Variants in SMIM13 observed in about 807,000 individuals in gnomAD.
SMIM13 encodes the protein small integral membrane protein 13, also known as UPF0766 protein C6orf228.
A neutral mutation model predicts 5.9 loss-of-function variants in SMIM13; 3 were observed. The observed-to-expected ratio is 0.51, with a 90% CI of 0.23 to 1.31. The LOEUF is 1.31. Among genes scored for constraint, SMIM13 ranks in the 40% most tolerant of loss-of-function variants. SMIM13 has a pLI of 0.18. For synonymous variants in SMIM13, 55 were observed against 46.0 expected (o/e 1.19, Z -0.79); for missense variants, 85 against 109.9 (o/e 0.77, Z 1.01).
intron 1 of SMIM13, chr6:11,103,361 CCT>C (rs1758027074): frequency 3.9e-6 from 1 of 259,370 alleles, no homozygotes; most frequent in African/African-American, 2.2e-5. Context: ...TTAACAACTG[CCT>C]CACCATCACC....
chr6:11,128,172 G>C (rs1327617978), intron 1 of SMIM13, among the ~76,000 whole-genome samples: 1 of 152,174 alleles, frequency 6.6e-6, no homozygotes, highest in East Asian at 1.9e-4. Flanking sequence ...AAGGCCCTCA[G>C]TAAGTACTGT....
chr6:11,129,987 T>G (rs1758430512), intron 1 of SMIM13, among the ~76,000 whole-genome samples: 1 of 152,162 alleles, frequency 6.6e-6, no homozygotes, highest in Non-Finnish European at 1.5e-5. Context: ...CATCCTTTGT[T>G]CAGACTATGA....
rs1291785509 is a variant in SMIM13 at position 11,136,708 on chromosome 6, A to G, written c.*2106A>G. The G allele has an allele frequency of 1.3e-5, 2 of 152,052 alleles. No homozygotes were observed. The highest frequency in any genetic ancestry group is 1.5e-5 in the Non-Finnish European group (1 of 67,984). 9.4% of individuals were successfully genotyped at this position (152,052 alleles called of 1,614,324 possible). ...CAGTCTCTGTCTTCATTTCTTTATT[A>G]GATACAATTTTCTATTTTTATGTGA... On this transcript the variant is annotated 3_prime_UTR_variant, in exon 2 of 2. Coordinates refer to ENST00000416247, the MANE Select transcript of SMIM13 (RefSeq NM_001135575.2).
At chr6:11,116,008 CTTTTTTTTTTT>C (rs35527082) in intron 1 of SMIM13, among the ~76,000 whole-genome samples, 1,294 of 78,564 alleles carry the variant, frequency 0.016, 10 homozygotes, top group Non-Finnish European at 0.024. Context: ...CTTCCTTCCT[CTTTTTTTTTTT>C]TTTTTTTTTT....
chr6:11,122,643 C>T (rs2113662142), intron 1 of SMIM13, among the ~76,000 whole-genome samples: 1 of 152,268 alleles, frequency 6.6e-6, no homozygotes, highest in South Asian at 2.1e-4. Flanking sequence ...AGTAGTTCCT[C>T]TGCTCTAGAG....
At chr6:11,105,341 A>G (rs767094598) in intron 1 of SMIM13, 3 of 1,542,616 alleles carry the variant, frequency 1.9e-6, no homozygotes, top group Non-Finnish European at 2.7e-6. Context: ...TCACAAAACG[A>G]GCTGCCAATG....
intron 1 of SMIM13, among the ~76,000 whole-genome samples, chr6:11,133,860 T>C (rs1343446075): frequency 1.3e-5 from 2 of 152,144 alleles, no homozygotes; most frequent in African/African-American, 2.4e-5. Context: ...GCCGTGGCTT[T>C]AGTCTTTCAT....
At position 11,104,841 on chromosome 6, in the gene SMIM13, G is replaced by A. The variant is rs561422018; in HGVS notation, c.76+10452G>A. On this transcript the variant is annotated intron_variant, in intron 1 of 1. Coordinates refer to ENST00000416247, the MANE Select transcript of SMIM13 (RefSeq NM_001135575.2). ...TTGGTTGTGGGTGTATGTTTGGTAA[G>A]TCTGTTGGTTAGAATCTACAGTGAA... The A allele has an allele frequency of 4.3e-6, 7 of 1,614,250 alleles. No individual in the cohort carries two copies. In the African/African-American group the frequency reaches 5.3e-5, roughly 12 times the overall value.
In SMIM13 at chr6:11,135,995, GT is replaced by G. The variant is rs1402866474; in HGVS notation, c.*1394del. On this transcript the variant is annotated 3_prime_UTR_variant, in exon 2 of 2. Coordinates refer to ENST00000416247, the MANE Select transcript of SMIM13 (RefSeq NM_001135575.2). ...TTCTGACTCTTACAATGTTAAACTT[GT>G]AATCCTGTGTGAAACACATGTTTTT... 6.6e-6 allele frequency: 1 copy of G among 152,114 alleles called. No individual in the cohort carries two copies. The highest frequency in any genetic ancestry group is 2.4e-5 in the African/African-American group (1 of 41,418). The allele number at this position is 152,114 out of a possible 1,614,324, so 9.4% of individuals were successfully genotyped here.
At chr6:11,126,617 G>A (rs1449865861) in intron 1 of SMIM13, among the ~76,000 whole-genome samples, 3 of 152,102 alleles carry the variant, frequency 2.0e-5, no homozygotes, top group Admixed American at 2.0e-4. Flanking sequence ...CTCTGGGAGT[G>A]GTCTCTGATG....
At chr6:11,132,346 G>T (rs181188444) in intron 1 of SMIM13, among the ~76,000 whole-genome samples, 62 of 152,206 alleles carry the variant, frequency 4.1e-4, no homozygotes, top group African/African-American at 1.5e-3. Context: ...AAGCTGCTTT[G>T]CAGTTTCACA....
rs68092921 is a variant in SMIM13 at position 11,116,982 on chromosome 6, C to CTTTTTTTTTTTTT, written c.77-17406_77-17394dup. On this transcript the variant is annotated intron_variant, in intron 1 of 1. Transcript: ENST00000416247. ...AATAGACATTTAATGATAATTGTTT[C>CTTTTTTTTTTTTT]TTTTTTTTTTTTTTTTTTTTTTTTT... 1.5e-4 allele frequency among the ~76,000 whole-genome samples: 7 copies of CTTTTTTTTTTTTT among 46,446 alleles called. 2 individuals are homozygous for CTTTTTTTTTTTTT. The highest frequency in any genetic ancestry group is 6.8e-4 in the East Asian group (1 of 1,464). The allele number at this position is 46,446 out of a possible 152,430, so 30.5% of individuals were successfully genotyped here.
intron 1 of SMIM13, among the ~76,000 whole-genome samples, chr6:11,114,592 CTTTT>C (rs58585640): frequency 4.6e-5 from 1 of 21,840 alleles, no homozygotes; most frequent in Non-Finnish European, 7.4e-5. Flanking sequence ...CACTTTTTCT[CTTTT>C]TTTTTTTTTT....
intron 1 of SMIM13, among the ~76,000 whole-genome samples, chr6:11,116,271 A>G (rs1758239565): frequency 6.6e-6 from 1 of 151,634 alleles, no homozygotes; most frequent in Non-Finnish European, 1.5e-5. Flanking sequence ...CGCCCACCTC[A>G]GCTTCCCAAA....
intron 1 of SMIM13, chr6:11,104,338 C>T (rs1322408699): frequency 1.9e-6 from 3 of 1,551,688 alleles, no homozygotes; most frequent in Non-Finnish European, 2.6e-6. Flanking sequence ...ATGAAGATGT[C>T]TGGGGTTACA....
chr6:11,137,470 A>T lies in SMIM13; in HGVS notation c.*2868A>T, dbSNP rs1758530066. 2 of 152,246 alleles carry T rather than the reference A, an allele frequency of 1.3e-5. No homozygotes were observed. The highest frequency in any genetic ancestry group is 4.1e-4 in the South Asian group (2 of 4,828). The allele number at this position is 152,246 out of a possible 1,614,324, so 9.4% of individuals were successfully genotyped here. A position where few individuals can be genotyped will look rare whatever the true frequency, so the allele number is the denominator to read the frequency against. On this transcript the variant is annotated 3_prime_UTR_variant, in exon 2 of 2. Transcript: ENST00000416247. Reference sequence around the variant, plus strand: ...CAACTACATTTGCAGTCTCAGTGGGAGGTGGACTAGCCTGTGGTTAATTTT... The same window carrying T: ...CAACTACATTTGCAGTCTCAGTGGGTGGTGGACTAGCCTGTGGTTAATTTT...
intron 1 of SMIM13, among the ~76,000 whole-genome samples, chr6:11,114,278 C>A (rs543950302): frequency 6.6e-6 from 1 of 152,244 alleles, no homozygotes; most frequent in South Asian, 2.1e-4. Flanking sequence ...GTAGTTTTAC[C>A]TTTTCTTCCC....
rs189602543 is a variant in SMIM13, at chr6:11,119,436, C to T, written c.77-14967C>T. ...TTGGGAAGCCGAGACAGGCGAATCA[C>T]GAGGTCAGGAGATCGAGACCATCCT... On this transcript the variant is annotated intron_variant, in intron 1 of 1. Transcript: ENST00000416247. Among the ~76,000 whole-genome samples the T allele has an allele frequency of 4.0e-4, 61 of 152,216 alleles. 1 individual carries two copies. The highest frequency in any genetic ancestry group is 3.7e-3 in the East Asian group (19 of 5,168).
chr6:11,111,914 T>C (rs1758173564), intron 1 of SMIM13, among the ~76,000 whole-genome samples: 1 of 152,136 alleles, frequency 6.6e-6, no homozygotes, highest in African/African-American at 2.4e-5. Context: ...TTTTCCCTTA[T>C]CAGTCAGGTG....
Sources: gnomAD v4.1 joint callset for allele counts (sites outside exome capture counted in the v4.1 genomes callset) on GRCh38, gnomAD v4.1.1 for gene constraint, MANE v1.5 for transcripts, NCBI Gene and HGNC (gene_info 2026-07-23, HGNC 2026-07-21) for gene names.